TAMM41: variants seen among roughly 807,000 people sequenced by gnomAD.
The protein encoded by TAMM41 is phosphatidate cytidylyltransferase, mitochondrial.
TAMM41 carries 36 observed loss-of-function variants against 44.1 expected under a neutral mutation model. That is an observed-to-expected ratio of 0.82 (90% CI 0.63 to 1.08). The LOEUF (loss-of-function observed/expected upper bound fraction) is 1.08, where lower values mean the gene tolerates loss of function less well. TAMM41 is among the 50% of genes least tolerant of loss of function. The pLI is 0.00. For missense variants in TAMM41, 417 were observed against 404.3 expected (o/e 1.03, Z -0.27); for synonymous variants, 164 against 153.1 (o/e 1.07, Z -0.53).
chr3:11,789,991 G>C (rs571295705), downstream of TAMM41, among the ~76,000 whole-genome samples: 1 of 152,224 alleles, frequency 6.6e-6, no homozygotes, highest in Admixed American at 6.5e-5. Context: ...TCTGTTCCAG[G>C]CTCCTAACCC....
chr3:11,784,634 G>A, the TAMM41 span, among the ~76,000 whole-genome samples: 155 of 152,270 alleles, frequency 1.0e-3, no homozygotes, highest in African/African-American at 3.6e-3. Context: ...TATGAGGAGA[G>A]TGGGTGGTGG....
At chr3:11,795,110 G>T (rs187921894) in intron 7 of TAMM41, among the ~76,000 whole-genome samples, 6 of 152,254 alleles carry the variant, frequency 3.9e-5, no homozygotes, top group Admixed American at 3.9e-4. Flanking sequence ...TGTGTTCCCG[G>T]AAAAGGCTGG....
At chr3:11,734,453 G>A in the TAMM41 span, among the ~76,000 whole-genome samples, 1 of 152,168 alleles carries the variant, frequency 6.6e-6, no homozygotes, top group African/African-American at 2.4e-5. Context: ...CCTTCACCCA[G>A]TGGCTTCTGA....
At chr3:11,772,950 G>A in the TAMM41 span, among the ~76,000 whole-genome samples, 1,453 of 152,000 alleles carry the variant, frequency 9.6e-3, 7 homozygotes, top group Non-Finnish European at 0.014. Context: ...TTCAAACTCA[G>A]GTCTTTCTTT....
intron 1 of TAMM41, chr3:11,844,783 T>C (rs1366238441): frequency 1.6e-5 from 6 of 372,336 alleles, no homozygotes; most frequent in South Asian, 6.1e-5. Context: ...ACATAAGTAA[T>C]GAACTCTGAC....
intron 2 of TAMM41, 126 bp from the exon 3 acceptor site, chr3:11,839,440 A>G (rs573594197): frequency 4.9e-6 from 3 of 613,234 alleles, no homozygotes; most frequent in Non-Finnish European, 8.4e-6. Context: ...AAGCCACTCA[A>G]AACACCTGAC....
At chr3:11,804,195 A>G (rs971447239) in intron 7 of TAMM41, among the ~76,000 whole-genome samples, 5 of 152,180 alleles carry the variant, frequency 3.3e-5, no homozygotes, top group African/African-American at 1.2e-4. Context: ...TCTGCTGGTG[A>G]GTAGAAATAA....
intron 3 of TAMM41, chr3:11,833,064 AG>A (rs1326751950): frequency 5.7e-6 from 7 of 1,236,846 alleles, no homozygotes; most frequent in Non-Finnish European, 6.3e-6. Flanking sequence ...CTTCAATGAA[AG>A]GTGAACTAGG....
At chr3:11,840,691 A>T (rs2079396723) in intron 2 of TAMM41, among the ~76,000 whole-genome samples, 1 of 151,884 alleles carries the variant, frequency 6.6e-6, no homozygotes, top group Non-Finnish European at 1.5e-5. Context: ...GCTATCTAGT[A>T]TTGGTCCTCA....
chr3:11,817,353 A>C lies in TAMM41; in HGVS notation c.563-16T>G. ...CGAAAGTCACCTAGTTAAAACAAAG[A>C]GATAAACACATCTTCCATTAAGAAT... is the stretch of plus-strand genomic sequence containing the variant. On this transcript the variant is annotated splice_polypyrimidine_tract_variant and intron_variant, in intron 4 of 7. Coordinates refer to ENST00000455809, the MANE Select transcript of TAMM41 (RefSeq NM_001284401.2). 6.3e-7 allele frequency: 1 copy of C among 1,597,364 alleles called. No homozygotes were observed. The highest frequency in any genetic ancestry group is 8.6e-7 in the Non-Finnish European group (1 of 1,166,482).
At chr3:11,786,268 T>TTTAC (rs1402732296), downstream of TAMM41, among the ~76,000 whole-genome samples, 1 of 136,606 alleles carries the variant, frequency 7.3e-6, no homozygotes, top group East Asian at 2.0e-4. Flanking sequence ...CATTTATTTA[T>TTTAC]TTATTTATTT....
chr3:11,799,510 G>A (rs562810283), intron 7 of TAMM41, among the ~76,000 whole-genome samples: 1 of 152,292 alleles, frequency 6.6e-6, no homozygotes, highest in East Asian at 1.9e-4. Flanking sequence ...TTAACCCACA[G>A]AATCTGAAGG....
At chr3:11,731,073 A>G in the TAMM41 span, among the ~76,000 whole-genome samples, 1 of 152,208 alleles carries the variant, frequency 6.6e-6, no homozygotes, top group Non-Finnish European at 1.5e-5. Flanking sequence ...CATAATCAGT[A>G]AAAGTGGGTC....
intron 3 of TAMM41, among the ~76,000 whole-genome samples, chr3:11,838,858 C>T (rs2079302644): frequency 6.6e-6 from 1 of 152,042 alleles, no homozygotes. Context: ...CCCTGGCAAC[C>T]AGCCCTATCC....
At chr3:11,823,256 T>TG (rs201101390) in intron 4 of TAMM41, among the ~76,000 whole-genome samples, 56 of 142,852 alleles carry the variant, frequency 3.9e-4, no homozygotes, top group East Asian at 1.2e-3. Context: ...TTGTTGTTGT[T>TG]TTTTTTTTTT....
intron 1 of TAMM41, among the ~76,000 whole-genome samples, chr3:11,844,578 G>A (rs2079590528): frequency 6.6e-6 from 1 of 152,152 alleles, no homozygotes; most frequent in Admixed American, 6.5e-5. Context: ...GCTTGTGAGT[G>A]GCAGACCTAA....
intron 1 of TAMM41, among the ~76,000 whole-genome samples, chr3:11,845,280 A>G (rs946253848): frequency 7.9e-5 from 12 of 152,164 alleles, no homozygotes; most frequent in Non-Finnish European, 1.8e-4. Flanking sequence ...CTAAGGCGCT[A>G]AGGATGGGGA....
chr3:11,845,451 A>G (rs2079640261), intron 1 of TAMM41, among the ~76,000 whole-genome samples: 1 of 152,198 alleles, frequency 6.6e-6, no homozygotes, highest in African/African-American at 2.4e-5. Context: ...GGCCATCAGG[A>G]GGCTAACGCC....
chr3:11,754,731 T>G, the TAMM41 span, among the ~76,000 whole-genome samples: 3 of 121,732 alleles, frequency 2.5e-5, no homozygotes, highest in Non-Finnish European at 5.3e-5. Context: ...TTTTTTTTTT[T>G]GAGACAGAGT....
Sources: gnomAD v4.1 joint callset for allele counts (sites outside exome capture counted in the v4.1 genomes callset) on GRCh38, gnomAD v4.1.1 for gene constraint, MANE v1.5 for transcripts, NCBI Gene and HGNC (gene_info 2026-07-23, HGNC 2026-07-21) for gene names.